PITRM1: variants seen among roughly 807,000 people sequenced by gnomAD.
PITRM1 encodes pitrilysin metallopeptidase 1, also known as presequence protease, mitochondrial.
A neutral mutation model predicts 129.9 loss-of-function variants in PITRM1; 100 were observed. The observed-to-expected ratio is 0.77, with a 90% CI of 0.65 to 0.91. The LOEUF (loss-of-function observed/expected upper bound fraction) is 0.91, where lower values mean the gene tolerates loss of function less well. PITRM1 is among the 40% of genes least tolerant of loss of function. PITRM1 has a pLI of 0.00. For synonymous variants in PITRM1, 591 were observed against 508.8 expected (o/e 1.16, Z -2.17); for missense variants, 1,471 against 1,318.3 (o/e 1.12, Z -1.79).
chr10:3,168,185 A>C (rs1564438948), intron 2 of PITRM1, among the ~76,000 whole-genome samples: 2 of 152,038 alleles, frequency 1.3e-5, no homozygotes, highest in African/African-American at 4.8e-5. Flanking sequence ...TCCTCAGCCC[A>C]ATCTAGGGAG....
rs1262673798 is a variant in PITRM1 at position 3,155,587 on chromosome 10, T to C, written c.1621+4A>G. 6.2e-7 allele frequency: 1 copy of C among 1,613,894 alleles called. No individual in the cohort carries two copies. On this transcript the variant is annotated splice_donor_region_variant and intron_variant, in intron 14 of 26. Coordinates refer to ENST00000224949, the MANE Select transcript of PITRM1 (RefSeq NM_014889.4). ...ACTCGCCAGCTCGGAAGGAAGCCTC[T>C]GACCTTTCTCGTAGATCTGCTGCCT...
At chr10:3,161,397 G>C (rs1842429602) in intron 7 of PITRM1, among the ~76,000 whole-genome samples, 1 of 152,198 alleles carries the variant, frequency 6.6e-6, no homozygotes, top group African/African-American at 2.4e-5. Flanking sequence ...AGGTTACAAT[G>C]ACAGAATTTA....
At chr10:3,138,550 G>A (rs930026951) in intron 25 of PITRM1, 15 of 609,698 alleles carry the variant, frequency 2.5e-5, no homozygotes, top group African/African-American at 2.2e-4. Context: ...TTCTGCAGCA[G>A]GGATGCAGTC....
intron 15 of PITRM1, 193 bp downstream of exon 15, chr10:3,151,054 T>A: frequency 9.1e-6 from 5 of 550,534 alleles, no homozygotes; most frequent in East Asian, 3.0e-5. Context: ...TCTTACTGAG[T>A]GAAGGAGTCT....
intron 23 of PITRM1, among the ~76,000 whole-genome samples, chr10:3,142,638 G>A (rs370931868): frequency 5.3e-5 from 8 of 152,372 alleles, no homozygotes; most frequent in African/African-American, 1.9e-4. Context: ...TGGAGGGCCA[G>A]TCTGTAGGCT....
chr10:3,166,395 T>C lies in PITRM1; in HGVS notation c.267-15A>G. The C allele has an allele frequency of 5.3e-6, 1 of 189,206 alleles. No homozygotes were observed. The highest frequency in any genetic ancestry group is 7.8e-5 in the African/African-American group (1 of 12,812). 11.7% of individuals were successfully genotyped at this position (189,206 alleles called of 1,614,324 possible). ...GGAACTGCACGCTAGGGAAGGAGAA[T>C]GACCAGAACGCAAAAGGTTCAGCTT... On this transcript the variant is annotated splice_polypyrimidine_tract_variant and intron_variant, in intron 3 of 26. Coordinates refer to ENST00000224949, the MANE Select transcript of PITRM1 (RefSeq NM_014889.4).
Position 3,137,848 on chromosome 10 carries a change from T to G in PITRM1, c.*183A>C, listed in dbSNP as rs1425393878. 5.1e-6 allele frequency: 3 copies of G among 583,318 alleles called. No homozygotes were observed. The African/African-American group carries it at 5.6e-5, about 11-fold the overall frequency. The allele number at this position is 583,318 out of a possible 1,614,324, so 36.1% of individuals were successfully genotyped here. A position where few individuals can be genotyped will look rare whatever the true frequency, so the allele number is the denominator to read the frequency against. On this transcript the variant is annotated 3_prime_UTR_variant, in exon 27 of 27. Transcript: ENST00000224949. ...ATCTTTGGCGCTTCATGCATGATTATTTCAATGAACCTCTTCCTGGTCACT... is the reference window on the plus strand; with the variant it reads ...ATCTTTGGCGCTTCATGCATGATTAGTTCAATGAACCTCTTCCTGGTCACT...
At chr10:3,170,035 G>C in intron 2 of PITRM1, 69 bp downstream of exon 2, 7 of 1,200,676 alleles carry the variant, frequency 5.8e-6, no homozygotes, top group Non-Finnish European at 8.6e-6. Flanking sequence ...GAAGGGCTCC[G>C]TACATAGGCC....
At chr10:3,168,250 C>T (rs901087565) in intron 2 of PITRM1, among the ~76,000 whole-genome samples, 7 of 152,184 alleles carry the variant, frequency 4.6e-5, no homozygotes, top group Non-Finnish European at 8.8e-5. Flanking sequence ...CATCATCTAC[C>T]GCCGCGAAAT....
intron 2 of PITRM1, 55 bp from the exon 3 acceptor site, chr10:3,167,097 A>G: frequency 9.5e-7 from 1 of 1,048,884 alleles, no homozygotes; most frequent in Non-Finnish European, 1.4e-6. Context: ...GGCCTTTGAA[A>G]TGGTTATGTT....
In PITRM1 at chr10:3,140,814, T is replaced by C. The variant is rs752483062; in HGVS notation, c.2646-2A>G. ...ATCAAACGTGCAAGGATTTTAAGAC[T>C]GAAATGATTAAAAAATGCAAGTTAA... On this transcript the variant is annotated splice_acceptor_variant, in intron 23 of 26. Coordinates refer to ENST00000224949, the MANE Select transcript of PITRM1 (RefSeq NM_014889.4). LOFTEE classifies it high-confidence loss of function. 1.3e-6 allele frequency: 2 copies of C among 1,574,820 alleles called. No homozygotes were observed. Among genetic ancestry groups the C allele is most frequent in the South Asian group, 2.3e-5 (2 of 85,856 alleles).
At chr10:3,145,368 G>A (rs1403256105) in intron 21 of PITRM1, 2 of 538,558 alleles carry the variant, frequency 3.7e-6, no homozygotes, top group Non-Finnish European at 6.6e-6. Flanking sequence ...AGGCACAGAA[G>A]TGAGCGCGGG....
At chr10:3,166,463 T>C in intron 3 of PITRM1, 83 bp from the exon 4 acceptor site, 1 of 772,980 alleles carries the variant, frequency 1.3e-6, no homozygotes, top group Non-Finnish European at 2.1e-6. Flanking sequence ...CACCTCAGGC[T>C]ACTAGAAATC....
chr10:3,150,033 C>T (rs1418884695), intron 15 of PITRM1, among the ~76,000 whole-genome samples: 1 of 152,166 alleles, frequency 6.6e-6, no homozygotes, highest in African/African-American at 2.4e-5. Context: ...CTCTCCCCGT[C>T]AACCAGAGGG....
At chr10:3,159,158 C>G (rs1262390918) in intron 9 of PITRM1, 116 bp from the exon 10 acceptor site, 17 of 911,938 alleles carry the variant, frequency 1.9e-5, no homozygotes, top group Admixed American at 3.0e-5. Flanking sequence ...TCTTGCATTT[C>G]AACATTTAAC....
intron 7 of PITRM1, 104 bp from the exon 8 acceptor site, chr10:3,160,434 AG>A: frequency 1.1e-6 from 1 of 930,956 alleles, no homozygotes; most frequent in South Asian, 1.6e-5. Context: ...CCCTTACCCA[AG>A]GTCTCGCCTT....
rs765043268 is a variant in PITRM1, at chr10:3,144,294, T to C, written c.2530A>G (p.Met844Val). Residue 844 changes from methionine to valine, a missense_variant and splice_region_variant, in exon 22 of 27, where the codon ATG (methionine) becomes GTG (valine). Transcript: ENST00000224949. ...CCCGGATGGGCTGTGGTTCTTACCA[T>C]GACCAGCTTCCTAATGACCTGGGAG... ...HGSQVIRKLV[M>V]EPTFKPWQMK... 6.4e-7 allele frequency: 1 copy of C among 1,551,262 alleles called. No homozygotes were observed.
intron 21 of PITRM1, chr10:3,145,309 C>T: frequency 2.6e-6 from 1 of 377,666 alleles, no homozygotes; most frequent in Non-Finnish European, 4.8e-6. Flanking sequence ...CATTCCTCTG[C>T]CAGCGTATTC....
At chr10:3,157,697 G>A (rs1367398145) in intron 11 of PITRM1, among the ~76,000 whole-genome samples, 166 bp from the exon 12 acceptor site, 1 of 152,158 alleles carries the variant, frequency 6.6e-6, no homozygotes, top group Non-Finnish European at 1.5e-5. Flanking sequence ...AATTAGCTGG[G>A]CATGGTGGTG....
Sources: gnomAD v4.1 joint callset for allele counts (sites outside exome capture counted in the v4.1 genomes callset) on GRCh38, gnomAD v4.1.1 for gene constraint, MANE v1.5 for transcripts, NCBI Gene and HGNC (gene_info 2026-07-23, HGNC 2026-07-21) for gene names.